Variants in CHEK1 observed in about 807,000 individuals in gnomAD.
The protein encoded by CHEK1 is serine/threonine-protein kinase Chk1.
CHEK1 carries 32 observed loss-of-function variants against 60.2 expected under a neutral mutation model. The observed-to-expected ratio is 0.53, with a 90% CI of 0.40 to 0.71. CHEK1 has a LOEUF of 0.71. CHEK1 is among the 30% of genes least tolerant of loss of function. The pLI, the probability that CHEK1 is intolerant of heterozygous loss-of-function variation, is 0.00. For synonymous variants in CHEK1, 179 were observed against 187.2 expected, an observed-to-expected ratio of 0.96 and a Z score of 0.36; for missense variants, 399 against 564.6, an observed-to-expected ratio of 0.71 and a Z score of 2.97.
intron 11 of CHEK1, among the ~76,000 whole-genome samples, chr11:125,651,400 G>T (rs909352134): frequency 4.0e-5 from 6 of 149,198 alleles, no homozygotes; most frequent in Non-Finnish European, 5.9e-5. Flanking sequence ...CGATTCTCCT[G>T]CCTCAGCCTC....
intron 5 of CHEK1, among the ~76,000 whole-genome samples, chr11:125,630,314 CT>C (rs34075954): frequency 0.095 from 13,662 of 143,366 alleles, 644 homozygotes; most frequent in East Asian, 0.14. Context: ...AAATGGTCAG[CT>C]TTTTTTTTTT....
At chr11:125,675,992 C>T in exon 14 of CHEK1, 1 of 180,362 alleles carries the variant, frequency 5.5e-6, no homozygotes, top group East Asian at 1.4e-4. Context: ...ACTGCAACCT[C>T]CGTCTCCTGG....
At chr11:125,668,430 G>A (rs527932758) in intron 13 of CHEK1, among the ~76,000 whole-genome samples, 1 of 152,186 alleles carries the variant, frequency 6.6e-6, no homozygotes, top group African/African-American at 2.4e-5. Context: ...ATACTCAATT[G>A]TTGATATTTG....
At chr11:125,635,311 T>C (rs1000765420) in intron 6 of CHEK1, 118 bp from the exon 7 acceptor site, 15 of 607,840 alleles carry the variant, frequency 2.5e-5, no homozygotes, top group Middle Eastern at 4.5e-4. Context: ...GGATTCTTAG[T>C]GTGAAAACCA....
intron 11 of CHEK1, among the ~76,000 whole-genome samples, chr11:125,647,321 A>G (rs1941540211): frequency 6.6e-6 from 1 of 151,068 alleles, no homozygotes; most frequent in Non-Finnish European, 1.5e-5. Context: ...TATTTCTGGA[A>G]TCTCAATTCT....
chr11:125,667,924 A>G, intron 13 of CHEK1, among the ~76,000 whole-genome samples: 1 of 152,168 alleles, frequency 6.6e-6, no homozygotes, highest in East Asian at 1.9e-4. Flanking sequence ...CACCTGGCTG[A>G]TTTTTAAAAG....
intron 13 of CHEK1, among the ~76,000 whole-genome samples, chr11:125,665,789 T>A (rs1942087522): frequency 6.6e-6 from 1 of 151,716 alleles, no homozygotes; most frequent in East Asian, 1.9e-4. Flanking sequence ...TAGTCTCTAA[T>A]GATCTTTTGT....
chr11:125,639,093 T>C (rs1417007365), intron 8 of CHEK1, among the ~76,000 whole-genome samples: 2 of 152,190 alleles, frequency 1.3e-5, no homozygotes, highest in Admixed American at 6.5e-5. Flanking sequence ...TATAAATGAC[T>C]GCTTTGCGTT....
intron 8 of CHEK1, among the ~76,000 whole-genome samples, chr11:125,640,517 G>A (rs1941254763): frequency 6.6e-6 from 1 of 151,458 alleles, no homozygotes; most frequent in Non-Finnish European, 1.5e-5. Flanking sequence ...ACTCCAGCCT[G>A]GGCAACAGCG....
At chr11:125,628,286 A>G (rs919975439) in intron 3 of CHEK1, among the ~76,000 whole-genome samples, 2 of 152,188 alleles carry the variant, frequency 1.3e-5, no homozygotes, top group African/African-American at 4.8e-5. Flanking sequence ...CTTTTTGTAT[A>G]TTAAGTAAAT....
intron 11 of CHEK1, among the ~76,000 whole-genome samples, chr11:125,647,064 A>C (rs1231539643): frequency 6.6e-6 from 1 of 152,146 alleles, no homozygotes; most frequent in Non-Finnish European, 1.5e-5. Context: ...AAAGATTTAT[A>C]CTTTATGCTT....
intron 11 of CHEK1, among the ~76,000 whole-genome samples, chr11:125,650,458 G>GTTTTTTTTTTT (rs71279471): frequency 7.6e-6 from 1 of 130,752 alleles, no homozygotes; most frequent in Non-Finnish European, 1.6e-5. Context: ...AGTGGTGTTT[G>GTTTTTTTTTTT]TTTTTTTTTT....
Position 125,653,928 on chromosome 11 carries a change from G to A in CHEK1, c.1335+81G>A. On this transcript the variant is annotated intron_variant, in intron 12 of 12. Coordinates refer to ENST00000438015, the MANE Select transcript of CHEK1 (RefSeq NM_001114122.3). The surrounding 1 kb of genome is among the most constrained non-coding windows in gnomAD (Gnocchi z 4.3). ...TTAATGGCATTATGTTTGTATATATGTGGCATTTGTAAATAGGTTACTTGC... is the reference window on the plus strand; with the variant it reads ...TTAATGGCATTATGTTTGTATATATATGGCATTTGTAAATAGGTTACTTGC... 1.3e-6 allele frequency: 1 copy of A among 748,274 alleles called. No individual in the cohort carries two copies. Among genetic ancestry groups the A allele is most frequent in the South Asian group, 2.0e-5 (1 of 49,580 alleles). The allele number at this position is 748,274 out of a possible 1,614,324, so 46.4% of individuals were successfully genotyped here.
At chr11:125,679,928 T>C (rs1050656810), downstream of CHEK1, among the ~76,000 whole-genome samples, 5 of 152,222 alleles carry the variant, frequency 3.3e-5, no homozygotes, top group Non-Finnish European at 4.4e-5. Context: ...TTTCAATAAT[T>C]AACACAAGTT....
At chr11:125,643,716 A>G (rs902800928) in intron 8 of CHEK1, 76 bp from the exon 9 acceptor site, 1 of 1,086,262 alleles carries the variant, frequency 9.2e-7, no homozygotes, top group Non-Finnish European at 1.3e-6. Flanking sequence ...TACTTCTTCA[A>G]GTTGCCAGTT....
rs775027960 is a variant in CHEK1 at position 125,627,714 on chromosome 11, TC to T, written c.174del (p.Asn59IlefsTer4). ...CPENIKKEICINKMLNHENVV... is the reference protein window; with the variant it reads ...CPENIKKEICXNKMLNHENVV... ...GAAAATATTAAGAAAGAGATCTGTA[TC>T]AATAAAATGCTAAATCATGAAAATG... is the stretch of plus-strand genomic sequence containing the variant. On this transcript the variant is annotated frameshift_variant, in exon 3 of 13. Coordinates refer to ENST00000438015, the MANE Select transcript of CHEK1 (RefSeq NM_001114122.3). LOFTEE classifies it high-confidence loss of function. 6.2e-7 allele frequency: 1 copy of T among 1,613,754 alleles called. No individual in the cohort carries two copies. Among genetic ancestry groups the T allele is most frequent in the Admixed American group, 1.7e-5 (1 of 60,022 alleles).
intron 8 of CHEK1, among the ~76,000 whole-genome samples, chr11:125,642,074 A>G (rs1364356471): frequency 2.0e-5 from 3 of 152,000 alleles, no homozygotes; most frequent in Non-Finnish European, 4.4e-5. Context: ...GCACACTTCT[A>G]CCTCACTGTT....
chr11:125,670,160 C>T (rs1320339167), intron 13 of CHEK1, among the ~76,000 whole-genome samples: 1 of 152,188 alleles, frequency 6.6e-6, no homozygotes, highest in Admixed American at 6.5e-5. Flanking sequence ...CTTCTTAGTA[C>T]AGTAAATACA....
At chr11:125,673,686 C>T (rs1942327060) in intron 13 of CHEK1, among the ~76,000 whole-genome samples, 1 of 152,166 alleles carries the variant, frequency 6.6e-6, no homozygotes, top group Non-Finnish European at 1.5e-5. Context: ...AAATGAAACT[C>T]ATTACTTTCC....
Sources: gnomAD v4.1 joint callset for allele counts (sites outside exome capture counted in the v4.1 genomes callset) on GRCh38, gnomAD v4.1.1 for gene constraint, Gnocchi (gnomAD v3.1) non-coding constraint, MANE v1.5 for transcripts, NCBI Gene and HGNC (gene_info 2026-07-23, HGNC 2026-07-21) for gene names.